FSIP2: variants seen among roughly 807,000 people sequenced by gnomAD.
FSIP2 encodes fibrous sheath-interacting protein 2.
Under a neutral mutation model 510.5 loss-of-function variants are expected in FSIP2, and 367 were observed. That is an observed-to-expected ratio of 0.72 (90% CI 0.66 to 0.78). FSIP2 has a LOEUF of 0.78. Among genes scored for constraint, FSIP2 ranks in the 30% least tolerant of loss-of-function variants. The probability of loss-of-function intolerance (pLI) is 0.00; values close to 1 mark genes in which losing one functional copy is unlikely to be tolerated. For missense variants in FSIP2, 7,594 were observed against 7,901.7 expected, an observed-to-expected ratio of 0.96 and a Z score of 1.48; for synonymous variants, 2,601 against 2,732.2, an observed-to-expected ratio of 0.95 and a Z score of 1.50.
Position 185,804,879 on chromosome 2 carries a change from C to A in FSIP2, c.15573C>A (p.Val5191=). The A allele has an allele frequency of 6.6e-7, 1 of 1,522,442 alleles. No homozygotes were observed. Among genetic ancestry groups the A allele is most frequent in the South Asian group, 1.2e-5 (1 of 81,450 alleles). The allele number at this position is 1,522,442 out of a possible 1,614,324, so 94.3% of individuals were successfully genotyped here. A position where few individuals can be genotyped will look rare whatever the true frequency, so the allele number is the denominator to read the frequency against. The change falls in exon 17 of 23, where the codon GTC becomes GTA. Residue 5191 remains valine, a synonymous_variant. Transcript: ENST00000424728. ...AGTTAGAACCTATTGAAAATTTGGT[C>A]GACTCCATATGTAATAATATTTTGA... ...SMQLEPIENL[V]DSICNNILKT...
rs1693067314 is a variant in FSIP2 at position 185,789,477 on chromosome 2, G to A, written c.2341G>A (p.Asp781Asn). The change falls in exon 16 of 23, where the codon GAT (aspartate) becomes AAT (asparagine). Residue 781 changes from aspartate to asparagine, a missense_variant. Physicochemically the swap from Asp to Asn is conservative, Grantham distance 23 (BLOSUM62 1). Coordinates refer to ENST00000424728, the MANE Select transcript of FSIP2 (RefSeq NM_173651.4). ...AAAATGTGTTGAGATGTTTTCACAA[G>A]ATTTGTCAGTCGACATTAAACCAAG... ...EKKCVEMFSQDLSVDIKPSLA... is the reference protein window; with the variant it reads ...EKKCVEMFSQNLSVDIKPSLA... 6.5e-7 allele frequency: 1 copy of A among 1,534,630 alleles called. No homozygotes were observed. The highest frequency in any genetic ancestry group is 8.7e-7 in the Non-Finnish European group (1 of 1,145,868).
chr2:185,738,797 T>C (rs981977313), upstream of FSIP2: 14 of 1,535,776 alleles, frequency 9.1e-6, no homozygotes, highest in African/African-American at 2.7e-5. Flanking sequence ...GTCGTTGGGC[T>C]CTGGCCATTC....
At chr2:185,823,469 C>G (rs1035487858) in intron 19 of FSIP2, among the ~76,000 whole-genome samples, 8 of 151,434 alleles carry the variant, frequency 5.3e-5, no homozygotes, top group Non-Finnish European at 1.0e-4. Context: ...TCAATCATTT[C>G]CCTAATCATT....
chr2:185,742,635 T>G (rs1358415760), intron 2 of FSIP2, among the ~76,000 whole-genome samples: 1 of 152,206 alleles, frequency 6.6e-6, no homozygotes, highest in Non-Finnish European at 1.5e-5. Context: ...AACATCTAAG[T>G]TTTACTTCTA....
At chr2:185,754,311 T>G (rs1009138571) in intron 8 of FSIP2, among the ~76,000 whole-genome samples, 1 of 151,528 alleles carries the variant, frequency 6.6e-6, no homozygotes, top group African/African-American at 2.4e-5. Flanking sequence ...GCTTCCTTTA[T>G]TTATAACATT....
chr2:185,747,323 CAAAAG>C lies in FSIP2; in HGVS notation c.772_776del (p.Lys258AspfsTer12). 6.6e-7 allele frequency: 1 copy of C among 1,519,218 alleles called. No individual in the cohort carries two copies. Among genetic ancestry groups the C allele is most frequent in the Non-Finnish European group, 8.8e-7 (1 of 1,131,982 alleles). 94.1% of individuals were successfully genotyped at this position (1,519,218 alleles called of 1,614,324 possible). A position where few individuals can be genotyped will look rare whatever the true frequency, so the allele number is the denominator to read the frequency against. On this transcript the variant is annotated frameshift_variant, in exon 7 of 23. Transcript: ENST00000424728. LOFTEE classifies it high-confidence loss of function. ...CATTGTGATTTCTAGGAATGGAAGACAAAAGAGATGTTACTTCTGACAAGGATGGC... is the reference window on the plus strand; with the variant it reads ...CATTGTGATTTCTAGGAATGGAAGACAGATGTTACTTCTGACAAGGATGGC...
chr2:185,737,235 T>C (rs1217992773), upstream of FSIP2, among the ~76,000 whole-genome samples: 1 of 152,178 alleles, frequency 6.6e-6, no homozygotes, highest in East Asian at 1.9e-4. Context: ...AATATATTTG[T>C]GGTAATTTAA....
Position 185,803,955 on chromosome 2 carries a change from TA to T in FSIP2, c.14654del (p.Lys4885ArgfsTer3). The T allele has an allele frequency of 6.6e-7, 1 of 1,507,732 alleles. No individual in the cohort carries two copies. The highest frequency in any genetic ancestry group is 8.8e-7 in the Non-Finnish European group (1 of 1,130,614). The allele number at this position is 1,507,732 out of a possible 1,614,324, so 93.4% of individuals were successfully genotyped here. On this transcript the variant is annotated frameshift_variant, in exon 17 of 23. Coordinates refer to ENST00000424728, the MANE Select transcript of FSIP2 (RefSeq NM_173651.4). LOFTEE classifies it high-confidence loss of function. The stretch of plus-strand genomic sequence containing the variant: ...ATATATACCAGTCCATTACAAAAGA[TA>T]AAAAGAGCATAAGTGACATACCTGT... ...SNIYQSITKD[K>X]KSISDIPVSK... is the part of the protein sequence containing the mutation.
chr2:185,781,116 G>A (rs577088908), intron 13 of FSIP2, among the ~76,000 whole-genome samples: 6 of 88,602 alleles, frequency 6.8e-5, no homozygotes, highest in African/African-American at 2.7e-4. Context: ...ATCCTAAACA[G>A]ATGGCCCCTG....
chr2:185,800,593 A>G lies in FSIP2; in HGVS notation c.11287A>G (p.Ile3763Val), dbSNP rs1382887758. The G allele has an allele frequency of 6.5e-7, 1 of 1,530,920 alleles. No homozygotes were observed. Among genetic ancestry groups the G allele is most frequent in the Admixed American group, 2.0e-5 (1 of 50,280 alleles). The allele number at this position is 1,530,920 out of a possible 1,614,324, so 94.8% of individuals were successfully genotyped here. ...TGTTGTATGTGAGAAACTTATCAGAATACTTTTGGAAGAATGCACAAGCAC... is the reference window on the plus strand; with the variant it reads ...TGTTGTATGTGAGAAACTTATCAGAGTACTTTTGGAAGAATGCACAAGCAC... ...LNVVCEKLIR[I>V]LLEECTSTAF... The change falls in exon 17 of 23, where the codon ATA becomes GTA. Residue 3763 changes from isoleucine to valine, a missense_variant. Coordinates refer to ENST00000424728, the MANE Select transcript of FSIP2 (RefSeq NM_173651.4).
rs1472636507 is a variant in FSIP2, at chr2:185,809,039, A to G, written c.19733A>G (p.Asn6578Ser). The part of the protein sequence containing the change: ...ELRRASISGR[N>S]YSLGSPDLEK... ...AGAAGAGCATCAATAAGTGGGAGAA[A>G]TTACTCCTTAGGATCACCTGATTTA... Residue 6578 changes from asparagine (N) to serine (S), a missense_variant, in exon 17 of 23, where the codon AAT becomes AGT. Asn to Ser is a conservative substitution (Grantham distance 46). Transcript: ENST00000424728. 3 of 1,612,280 alleles carry G rather than the reference A, an allele frequency of 1.9e-6. No homozygotes were observed. The highest frequency in any genetic ancestry group is 1.7e-5 in the Admixed American group (1 of 59,728).
rs886876788 is a variant in FSIP2 at position 185,793,534 on chromosome 2, T to C, written c.6398T>C (p.Met2133Thr). 6.5e-6 allele frequency: 10 copies of C among 1,534,304 alleles called. No homozygotes were observed. Among genetic ancestry groups the C allele is most frequent in the Admixed American group, 2.0e-5 (1 of 50,868 alleles). ...AAACATTCAGAAGAAAATTCTGAAA[T>C]GTTCATGGAGGGTGCAAATAAGATT... ...ADKHSEENSEMFMEGANKIIP... is the reference protein window; with the variant it reads ...ADKHSEENSETFMEGANKIIP... Residue 2133 changes from methionine to threonine, a missense_variant, in exon 16 of 23, where the codon ATG (methionine) becomes ACG (threonine). Transcript: ENST00000424728.
At chr2:185,761,926 TAC>T (rs1367085525) in intron 10 of FSIP2, 44 bp from the exon 11 acceptor site, 14 of 1,025,050 alleles carry the variant, frequency 1.4e-5, no homozygotes, top group Admixed American at 2.4e-5. Context: ...TTTTTGGAAG[TAC>T]AGTTACTAAT....
chr2:185,830,284 A>G (rs1356099217), intron 21 of FSIP2, among the ~76,000 whole-genome samples: 1 of 151,962 alleles, frequency 6.6e-6, no homozygotes, highest in South Asian at 2.1e-4. Flanking sequence ...GAAAAGGTCA[A>G]AAGATGCCAA....
intron 13 of FSIP2, 171 bp downstream of exon 13, chr2:185,764,736 T>C (rs1445818352): frequency 5.5e-6 from 3 of 549,482 alleles, no homozygotes; most frequent in Non-Finnish European, 9.7e-6. Context: ...AAGATAGTCA[T>C]GGCCCAATAT....
In FSIP2 at chr2:185,756,197, C is replaced by G; in HGVS notation, c.997C>G (p.Pro333Ala). ...YRGQDGTHAS[P>A]KNKKKTSEDI... ...TTTTATTATATTTCTTTAAGCTTCT[C>G]CAAAGAATAAAAAGAAGACTTCTGA... The change falls in exon 9 of 23, where the codon CCA becomes GCA. Residue 333 changes from proline to alanine, a missense_variant. Coordinates refer to ENST00000424728, the MANE Select transcript of FSIP2 (RefSeq NM_173651.4). 5 of 1,231,166 alleles carry G rather than the reference C, an allele frequency of 4.1e-6. No individual in the cohort carries two copies. The highest frequency in any genetic ancestry group is 5.6e-6 in the Non-Finnish European group (5 of 895,274). The allele number at this position is 1,231,166 out of a possible 1,614,324, so 76.3% of individuals were successfully genotyped here.
In FSIP2 at chr2:185,804,178, T is replaced by G; in HGVS notation, c.14872T>G (p.Cys4958Gly). The G allele has an allele frequency of 6.6e-7, 1 of 1,511,976 alleles. No homozygotes were observed. Among genetic ancestry groups the G allele is most frequent in the South Asian group, 1.3e-5 (1 of 79,662 alleles). 93.7% of individuals were successfully genotyped at this position (1,511,976 alleles called of 1,614,324 possible). ...FLEEVISELL[C>G]KILYAFSHNM... ...GGAGGAAGTAATTTCTGAGCTCTTA[T>G]GCAAAATTCTTTATGCATTTTCACA... Residue 4958 changes from cysteine (C) to glycine (G), a missense_variant, in exon 17 of 23, where the codon TGC (cysteine) becomes GGC (glycine). By Grantham distance (159) the Cys-to-Gly change is radical. Coordinates refer to ENST00000424728, the MANE Select transcript of FSIP2 (RefSeq NM_173651.4).
Position 185,805,868 on chromosome 2 carries a change from A to G in FSIP2, c.16562A>G (p.Asp5521Gly). The G allele has an allele frequency of 1.2e-6, 2 of 1,608,886 alleles. No homozygotes were observed. Among genetic ancestry groups the G allele is most frequent in the Non-Finnish European group, 1.7e-6 (2 of 1,177,792 alleles). The change falls in exon 17 of 23, where the codon GAT (aspartate) becomes GGT (glycine). Residue 5521 changes from aspartate to glycine, a missense_variant. Coordinates refer to ENST00000424728, the MANE Select transcript of FSIP2 (RefSeq NM_173651.4). ...ATGVTNKKEVDENKVGICTQK... is the reference protein window; with the variant it reads ...ATGVTNKKEVGENKVGICTQK... The stretch of plus-strand genomic sequence containing the variant: ...GGTGTGACAAATAAAAAGGAAGTGG[A>G]TGAAAATAAAGTGGGAATTTGTACT...
At position 185,806,732 on chromosome 2, in the gene FSIP2, A is replaced by G. The variant is rs1693590176; in HGVS notation, c.17426A>G (p.Gln5809Arg). 6.2e-7 allele frequency: 1 copy of G among 1,610,778 alleles called. No individual in the cohort carries two copies. Among genetic ancestry groups the G allele is most frequent in the South Asian group, 1.1e-5 (1 of 90,714 alleles). ...IFSSIPETQI[Q>R]DRCQNVSDKQ... ...TCTTCTATACCAGAAACACAAATAC[A>G]AGATAGATGTCAAAATGTTAGTGAT... Residue 5809 changes from glutamine (Q) to arginine (R), a missense_variant, in exon 17 of 23, where the codon CAA becomes CGA. Transcript: ENST00000424728.
Sources: allele counts gnomAD v4.1 joint callset (sites outside exome capture counted in the v4.1 genomes callset), GRCh38; gene constraint gnomAD v4.1.1; transcripts MANE v1.5; gene names NCBI Gene and HGNC (gene_info 2026-07-23, HGNC 2026-07-21).